Variants in DOCK8 observed in about 807,000 individuals in gnomAD.
The protein encoded by DOCK8 is dedicator of cytokinesis 8, also known as dedicator of cytokinesis protein 8.
Under a neutral mutation model 245.6 loss-of-function variants are expected in DOCK8, and 141 were observed. That is an observed-to-expected ratio of 0.57 (90% confidence interval 0.50 to 0.66). The LOEUF (loss-of-function observed/expected upper bound fraction) is 0.66. Ranked by LOEUF, DOCK8 falls within the 30% of genes least tolerant of loss-of-function variation. DOCK8 has a pLI of 0.00. For synonymous variants in DOCK8, 1,168 were observed against 970.2 expected (o/e 1.20, Z -3.79); for missense variants, 2,965 against 2,603.4 (o/e 1.14, Z -3.02).
chr9:227,939 G>A (rs1401177551), intron 1 of DOCK8, among the ~76,000 whole-genome samples: 1 of 152,166 alleles, frequency 6.6e-6, no homozygotes, highest in East Asian at 1.9e-4. Flanking sequence ...TAGTTACAAA[G>A]ATCACATGCC....
chr9:422,085 A>T lies in DOCK8; in HGVS notation c.4191A>T (p.Arg1397Ser), dbSNP rs767268801. The T allele has an allele frequency of 6.2e-7, 1 of 1,614,122 alleles. No individual in the cohort carries two copies. Among genetic ancestry groups the T allele is most frequent in the Non-Finnish European group, 8.5e-7 (1 of 1,180,018 alleles). ...DRFPGLNENL[R>S]WKKEQTHWRQ... ...TTCCAGGCCTAAATGAAAATTTGAG[A>T]TGGAAGAAAGAGCAGACACATTGGC... is the stretch of plus-strand genomic sequence containing the variant. The change falls in exon 33 of 48, where the codon AGA becomes AGT. Residue 1397 changes from arginine to serine, a missense_variant. Arg to Ser is a moderately radical substitution (Grantham distance 110). This residue lies in a region of DOCK8 where 2,825 missense variants were observed against 2,453.5 expected (regional missense o/e 1.15). Coordinates refer to ENST00000432829, the MANE Select transcript of DOCK8 (RefSeq NM_203447.4).
rs1327506733 is a variant in DOCK8 at position 368,210 on chromosome 9, C to G, written c.1797+75C>G. ...CCTGTCACTTCACACAAGTCCGGGA[C>G]TCATCAGTGTACAAAGTCCGTCTAT... On this transcript the variant is annotated intron_variant, in intron 15 of 47. Coordinates refer to ENST00000432829, the MANE Select transcript of DOCK8 (RefSeq NM_203447.4). The G allele has an allele frequency of 2.4e-6, 3 of 1,230,124 alleles. No homozygotes were observed. The Admixed American group carries it at 5.0e-5, about 21-fold the overall frequency. 76.2% of individuals were successfully genotyped at this position (1,230,124 alleles called of 1,614,324 possible). A position where few individuals can be genotyped will look rare whatever the true frequency, so the allele number is the denominator to read the frequency against.
chr9:316,328 A>G (rs1246362769), intron 6 of DOCK8, among the ~76,000 whole-genome samples: 1 of 152,244 alleles, frequency 6.6e-6, no homozygotes, highest in Non-Finnish European at 1.5e-5. Flanking sequence ...CATGAATATA[A>G]TTAACATAGA....
intron 1 of DOCK8, among the ~76,000 whole-genome samples, chr9:229,318 A>T (rs941272775): frequency 6.6e-5 from 10 of 152,212 alleles, no homozygotes; most frequent in Admixed American, 5.2e-4. Flanking sequence ...GAGACCAAAT[A>T]AAACTGACTC....
intron 4 of DOCK8, among the ~76,000 whole-genome samples, chr9:303,367 A>G (rs143061136): frequency 0.01 from 1,550 of 152,332 alleles, 29 homozygotes; most frequent in African/African-American, 0.035. Context: ...TCACAATAGC[A>G]AAGACATGGA....
chr9:264,432 CAT>C (rs1405237550), intron 1 of DOCK8, among the ~76,000 whole-genome samples: 1 of 152,182 alleles, frequency 6.6e-6, no homozygotes, highest in Admixed American at 6.5e-5. Flanking sequence ...TCTTTGTAGT[CAT>C]GTTTCCACCT....
intron 46 of DOCK8, among the ~76,000 whole-genome samples, chr9:457,461 G>A (rs1174592761): frequency 2.0e-5 from 3 of 152,168 alleles, no homozygotes; most frequent in African/African-American, 7.2e-5. Flanking sequence ...GGCAAATAGG[G>A]GACTGATGGA....
chr9:217,216 T>C (rs1478579478), intron 1 of DOCK8, among the ~76,000 whole-genome samples: 1 of 152,212 alleles, frequency 6.6e-6, no homozygotes, highest in African/African-American at 2.4e-5. Flanking sequence ...GAATAATTCT[T>C]AGTTGCCATC....
intron 33 of DOCK8, among the ~76,000 whole-genome samples, chr9:423,376 C>T (rs1478262444): frequency 1.3e-5 from 2 of 152,154 alleles, no homozygotes; most frequent in East Asian, 3.9e-4. Context: ...CTAATGAGTC[C>T]CAGGGTTTGC....
chr9:397,060 G>A (rs577613984), intron 25 of DOCK8, 126 bp downstream of exon 25: 11 of 1,131,622 alleles, frequency 9.7e-6, no homozygotes, highest in Middle Eastern at 2.6e-4. Context: ...ACAGTTAAAC[G>A]CAGTATGTTA....
chr9:320,175 C>T (rs2050528507), intron 7 of DOCK8, among the ~76,000 whole-genome samples: 1 of 131,728 alleles, frequency 7.6e-6, no homozygotes. Flanking sequence ...CGGAAAAAGC[C>T]CAGGTTCTGT....
At chr9:353,214 A>G (rs530099439) in intron 14 of DOCK8, among the ~76,000 whole-genome samples, 7 of 152,288 alleles carry the variant, frequency 4.6e-5, no homozygotes, top group African/African-American at 1.7e-4. Context: ...TCCTACCTCC[A>G]AAACTCAGAC....
At chr9:425,548 A>G (rs1320695708) in intron 33 of DOCK8, among the ~76,000 whole-genome samples, 1 of 151,734 alleles carries the variant, frequency 6.6e-6, no homozygotes, top group African/African-American at 2.4e-5. Context: ...CAAAAAAAAA[A>G]AAAAAAAAAA....
chr9:438,751 T>G (rs1349384608), intron 39 of DOCK8, among the ~76,000 whole-genome samples: 1 of 152,206 alleles, frequency 6.6e-6, no homozygotes, highest in Non-Finnish European at 1.5e-5. Context: ...TGCAATGCCA[T>G]GAAAACTTCC....
At chr9:235,346 G>T (rs1238639943) in intron 1 of DOCK8, among the ~76,000 whole-genome samples, 2 of 152,152 alleles carry the variant, frequency 1.3e-5, no homozygotes, top group Non-Finnish European at 1.5e-5. Flanking sequence ...CGGGGGTCAG[G>T]GACCCACTTG....
intron 14 of DOCK8, chr9:340,572 G>A: frequency 2.3e-6 from 1 of 437,126 alleles, no homozygotes; most frequent in South Asian, 2.1e-5. Flanking sequence ...AGTGAGCCAA[G>A]ATTGCACTAC....
At chr9:217,621 G>A (rs1304586398) in intron 1 of DOCK8, among the ~76,000 whole-genome samples, 1 of 152,152 alleles carries the variant, frequency 6.6e-6, no homozygotes, top group Non-Finnish European at 1.5e-5. Flanking sequence ...TTATGCTAAG[G>A]AGCTTGGCAG....
intron 5 of DOCK8, among the ~76,000 whole-genome samples, chr9:310,707 C>T (rs939712366): frequency 1.6e-4 from 24 of 152,292 alleles, no homozygotes; most frequent in Middle Eastern, 6.8e-3. Flanking sequence ...GTGATCCGCC[C>T]ACCTCGGCCT....
At position 377,040 on chromosome 9, in the gene DOCK8, A is replaced by G. The variant is rs780169933; in HGVS notation, c.2269A>G (p.Ile757Val). The change falls in exon 20 of 48, where the codon ATC becomes GTC. Residue 757 changes from isoleucine (I) to valine (V), a missense_variant. By Grantham distance (29) the Ile-to-Val change is conservative (BLOSUM62 3). Around this residue, in one of 3 missense-constraint regions of DOCK8, gnomAD observed 2,825 missense variants for 2,453.5 expected, o/e 1.15. Transcript: ENST00000432829. ...CCTGGAGAGCCAGGTGACCTTCCCC[A>G]TCCGCGTGCTGGATCAGAAAATCAG... is the stretch of plus-strand genomic sequence containing the variant. ...HSLESQVTFP[I>V]RVLDQKISEM... 7 of 1,613,990 alleles carry G rather than the reference A, an allele frequency of 4.3e-6. No homozygotes were observed. The highest frequency in any genetic ancestry group is 5.9e-6 in the Non-Finnish European group (7 of 1,180,014).
Sources: gnomAD v4.1 joint callset for allele counts (sites outside exome capture counted in the v4.1 genomes callset) on GRCh38, gnomAD v4.1.1 for gene constraint, gnomAD v4.1.1 regional missense constraint, MANE v1.5 for transcripts, NCBI Gene and HGNC (gene_info 2026-07-23, HGNC 2026-07-21) for gene names.